The following UTRN variants were observed in gnomAD, a reference collection of about 807,000 sequenced individuals.
The protein encoded by UTRN is dystrophin-related protein 1.
In UTRN, 283 loss-of-function variants were observed where a neutral mutation model predicts 463.9. The ratio of observed to expected loss-of-function variants is 0.61; its 90% CI spans 0.55 to 0.67. The LOEUF is 0.67. Among genes scored for constraint, UTRN ranks in the 30% least tolerant of loss-of-function variants. The probability of loss-of-function intolerance (pLI) is 0.00; values close to 1 mark genes in which losing one functional copy is unlikely to be tolerated. For synonymous variants in UTRN, 1,442 were observed against 1,431.5 expected (o/e 1.01, Z -0.17); for missense variants, 3,922 against 4,084.3 (o/e 0.96, Z 1.08).
chr6:144,597,235 C>CA (rs67471247), intron 51 of UTRN, among the ~76,000 whole-genome samples: 5,674 of 85,544 alleles, frequency 0.066, 391 homozygotes, highest in African/African-American at 0.2. Flanking sequence ...GAGACTGTCT[C>CA]AAAAAAAAAA....
chr6:144,505,252 T>C (rs1794599011), intron 34 of UTRN, among the ~76,000 whole-genome samples: 2 of 152,222 alleles, frequency 1.3e-5, no homozygotes. Context: ...TTTTCGTGTC[T>C]CTATCTCCTT....
At chr6:144,627,366 TTTAATAATATTGATAACCC>T (rs1304160682) in intron 51 of UTRN, among the ~76,000 whole-genome samples, 1 of 152,242 alleles carries the variant, frequency 6.6e-6, no homozygotes, top group Non-Finnish European at 1.5e-5. Context: ...AAGAGGCGTT[TTTAATAATATTGATAACCC>T]TTATCTTTCT....
chr6:144,365,492 T>C (rs773925371), intron 2 of UTRN, among the ~76,000 whole-genome samples: 1 of 152,230 alleles, frequency 6.6e-6, no homozygotes, highest in Non-Finnish European at 1.5e-5. Context: ...CATTTTATTC[T>C]GAAATTGCAT....
intron 51 of UTRN, among the ~76,000 whole-genome samples, chr6:144,677,981 G>A (rs570860157): frequency 2.6e-5 from 4 of 152,118 alleles, no homozygotes; most frequent in South Asian, 2.1e-4. Context: ...TAAGTTCCTC[G>A]TAGATTCTGG....
At chr6:144,462,556 G>A (rs1043708544) in intron 22 of UTRN, 98 bp from the exon 23 acceptor site, 1 of 1,126,836 alleles carries the variant, frequency 8.9e-7, no homozygotes, top group South Asian at 1.5e-5. Flanking sequence ...GCTTTCTAAT[G>A]CATTTTAAAG....
intron 12 of UTRN, among the ~76,000 whole-genome samples, 191 bp from the exon 13 acceptor site, chr6:144,440,161 G>A (rs1787004737): frequency 6.6e-6 from 1 of 152,130 alleles, no homozygotes. Flanking sequence ...TCCTCAAACT[G>A]CCTTTGTTGA....
At chr6:144,654,795 CT>C (rs1779157904) in intron 51 of UTRN, among the ~76,000 whole-genome samples, 1 of 152,144 alleles carries the variant, frequency 6.6e-6, no homozygotes, top group African/African-American at 2.4e-5. Flanking sequence ...TTTTAGTCAC[CT>C]AATAAAGTGC....
intron 52 of UTRN, among the ~76,000 whole-genome samples, chr6:144,689,257 AG>A (rs2128690884): frequency 6.6e-6 from 1 of 152,308 alleles, no homozygotes; most frequent in South Asian, 2.1e-4. Context: ...CTGTGGGAGC[AG>A]CCCCAGGTGT....
At chr6:144,647,108 T>G (rs572693839) in intron 51 of UTRN, among the ~76,000 whole-genome samples, 1 of 152,294 alleles carries the variant, frequency 6.6e-6, no homozygotes, top group South Asian at 2.1e-4. Flanking sequence ...AAAACTGTAT[T>G]GGATAATACT....
chr6:144,577,739 G>C (rs1801576516), intron 51 of UTRN, among the ~76,000 whole-genome samples: 1 of 152,148 alleles, frequency 6.6e-6, no homozygotes, highest in African/African-American at 2.4e-5. Flanking sequence ...TCATTAGCTT[G>C]ATAACTGTGA....
intron 46 of UTRN, among the ~76,000 whole-genome samples, chr6:144,544,702 GAAAA>G (rs35142302): frequency 6.8e-6 from 1 of 147,126 alleles, no homozygotes; most frequent in Non-Finnish European, 1.5e-5. Flanking sequence ...ATTTTCAAAA[GAAAA>G]AAAAAACCTT....
intron 51 of UTRN, chr6:144,660,053 C>A: frequency 2.8e-6 from 1 of 355,230 alleles, no homozygotes; most frequent in South Asian, 2.3e-5. Context: ...CTAAAATGTC[C>A]CAGCGCAAGC....
intron 2 of UTRN, among the ~76,000 whole-genome samples, chr6:144,345,125 A>G (rs530750736): frequency 1.3e-5 from 2 of 152,148 alleles, no homozygotes; most frequent in African/African-American, 2.4e-5. Context: ...TTCTTGTGGA[A>G]TTACTCTTTC....
chr6:144,718,614 A>G (rs956815702), intron 53 of UTRN, among the ~76,000 whole-genome samples: 1 of 152,224 alleles, frequency 6.6e-6, no homozygotes, highest in African/African-American at 2.4e-5. Flanking sequence ...TGAGCACAGG[A>G]TGAGTAAGGG....
chr6:144,397,979 G>C (rs1782597569), intron 2 of UTRN: 1 of 215,626 alleles, frequency 4.6e-6, no homozygotes, highest in African/African-American at 2.3e-5. Flanking sequence ...TTAGGGCAGA[G>C]AGGAGTTACC....
chr6:144,532,578 A>C lies in UTRN; in HGVS notation c.6058-507A>C, dbSNP rs1488393398. The stretch of plus-strand genomic sequence containing the variant: ...GGCATGTGGGGATTATGGGAGGTAC[A>C]ATTCAAGATGAGATTTGGGTGGGGA... On this transcript the variant is annotated intron_variant, in intron 42 of 74. Coordinates refer to ENST00000367545, the MANE Select transcript of UTRN (RefSeq NM_007124.3). 2.0e-5 allele frequency among the ~76,000 whole-genome samples: 3 copies of C among 152,362 alleles called. No homozygotes were observed. In the East Asian group the frequency reaches 5.8e-4, roughly 29 times the overall value.
At chr6:144,583,033 T>A (rs1053285041) in intron 51 of UTRN, among the ~76,000 whole-genome samples, 1 of 152,236 alleles carries the variant, frequency 6.6e-6, no homozygotes, top group African/African-American at 2.4e-5. Context: ...GAATGCTCTG[T>A]TCTCTCTTAA....
Position 144,633,902 on chromosome 6 carries a change from A to G in UTRN, c.7480-44504A>G, listed in dbSNP as rs563331259. 1.1e-4 allele frequency among the ~76,000 whole-genome samples: 16 copies of G among 152,340 alleles called. No homozygotes were observed. In the East Asian group the frequency reaches 3.1e-3, roughly 29 times the overall value. ...CCTCACTACTTGACTGGTAATCTCA[A>G]GCATGATTAGTATAGTGTTTCCTAT... On this transcript the variant is annotated intron_variant, in intron 51 of 74. Transcript: ENST00000367545.
chr6:144,782,638 AATAT>A (rs59342533), intron 61 of UTRN, among the ~76,000 whole-genome samples: 14 of 149,384 alleles, frequency 9.4e-5, no homozygotes, highest in African/African-American at 3.2e-4. Context: ...ATATATATAT[AATAT>A]ATATATATAT....
Sources: allele counts gnomAD v4.1 joint callset (sites outside exome capture counted in the v4.1 genomes callset), GRCh38; gene constraint gnomAD v4.1.1; transcripts MANE v1.5; gene names NCBI Gene and HGNC (gene_info 2026-07-23, HGNC 2026-07-21).